The following HDAC11 variants were observed in gnomAD, a reference collection of about 807,000 sequenced individuals.
HDAC11 encodes the protein histone deacetylase 11.
Under a neutral mutation model 41.1 loss-of-function variants are expected in HDAC11, and 23 were observed. The ratio of observed to expected loss-of-function variants is 0.56; its 90% CI spans 0.40 to 0.79. The LOEUF is 0.79. Ranked by LOEUF, HDAC11 falls within the 30% of genes least tolerant of loss-of-function variation. The pLI is 0.00. For missense variants in HDAC11, 402 were observed against 477.3 expected, an observed-to-expected ratio of 0.84 and a Z score of 1.47; for synonymous variants, 187 against 186.6, an observed-to-expected ratio of 1.00 and a Z score of -0.02.
chr3:13,496,821 C>A lies in HDAC11; in HGVS notation c.338C>A (p.Pro113His). The A allele has an allele frequency of 1.2e-6, 2 of 1,600,532 alleles. No individual in the cohort carries two copies. The highest frequency in any genetic ancestry group is 1.7e-6 in the Non-Finnish European group (2 of 1,173,596). ...NFLVQRKVLR[P>H]LRTQTGGTIM... ...CTTGTGCAGAGGAAGGTGCTGAGGC[C>A]CCTTCGGACCCAGACAGGAGGAACC... Residue 113 changes from proline to histidine, a missense_variant, in exon 4 of 10, where the codon CCC becomes CAC. By Grantham distance (77) the Pro-to-His change is moderately conservative (BLOSUM62 -2). Transcript: ENST00000295757.
At chr3:13,503,997 A>T (rs746411918) in intron 8 of HDAC11, 97 bp from the exon 9 acceptor site, 2 of 1,164,118 alleles carry the variant, frequency 1.7e-6, no homozygotes, top group Non-Finnish European at 1.2e-6. Flanking sequence ...GCTGAATCTG[A>T]CAGACCAGTT....
Position 13,504,903 on chromosome 3 carries a change from C to T in HDAC11, c.*220C>T, listed in dbSNP as rs1702549707. ...GGGGGCAGAAGGCAGAGCCTGTGTC[C>T]CAGGGGGACCCACACGAAGTCACCA... On this transcript the variant is annotated 3_prime_UTR_variant, in exon 10 of 10. Coordinates refer to ENST00000295757, the MANE Select transcript of HDAC11 (RefSeq NM_024827.4). 1 of 595,140 alleles carries T rather than the reference C, an allele frequency of 1.7e-6. No homozygotes were observed. Among genetic ancestry groups the T allele is most frequent in the Non-Finnish European group, 3.0e-6 (1 of 334,960 alleles). 36.9% of individuals were successfully genotyped at this position (595,140 alleles called of 1,614,324 possible). A position where few individuals can be genotyped will look rare whatever the true frequency, so the allele number is the denominator to read the frequency against.
chr3:13,495,250 C>T (rs1490832238), intron 3 of HDAC11, among the ~76,000 whole-genome samples: 1 of 152,134 alleles, frequency 6.6e-6, no homozygotes, highest in Non-Finnish European at 1.5e-5. Flanking sequence ...GGGCCTTGCC[C>T]TTCAGCATGG....
chr3:13,487,733 G>A (rs1361826535), intron 3 of HDAC11, among the ~76,000 whole-genome samples: 1 of 152,168 alleles, frequency 6.6e-6, no homozygotes, highest in Non-Finnish European at 1.5e-5. Flanking sequence ...GTGCTCAGAG[G>A]GCACCACTCT....
At chr3:13,488,586 T>A (rs1159577811) in intron 3 of HDAC11, among the ~76,000 whole-genome samples, 1 of 152,256 alleles carries the variant, frequency 6.6e-6, no homozygotes. Flanking sequence ...TGTGTTGTGT[T>A]GTAGCATGTA....
intron 3 of HDAC11, among the ~76,000 whole-genome samples, chr3:13,486,148 T>G (rs1253505086): frequency 6.6e-6 from 1 of 150,564 alleles, no homozygotes; most frequent in Admixed American, 6.7e-5. Context: ...ATGCCTGTAA[T>G]CCCAGCTACC....
At chr3:13,495,471 C>T (rs12107323) in intron 3 of HDAC11, among the ~76,000 whole-genome samples, 19,833 of 152,152 alleles carry the variant, frequency 0.13, 1,439 homozygotes, top group African/African-American at 0.19. Context: ...GACACCTGGG[C>T]CCTCTACCCC....
chr3:13,495,480 C>T (rs950424763), intron 3 of HDAC11, among the ~76,000 whole-genome samples: 5 of 152,176 alleles, frequency 3.3e-5, no homozygotes, highest in Admixed American at 6.5e-5. Context: ...GCCCTCTACC[C>T]CTTGTCCCTG....
At chr3:13,493,804 C>T (rs918688074) in intron 3 of HDAC11, among the ~76,000 whole-genome samples, 68 of 152,344 alleles carry the variant, frequency 4.5e-4, no homozygotes, top group African/African-American at 1.5e-3. Flanking sequence ...GGCCAAGTCC[C>T]GTGCATGCTC....
At chr3:13,493,494 G>A (rs918393955) in intron 3 of HDAC11, among the ~76,000 whole-genome samples, 1 of 152,230 alleles carries the variant, frequency 6.6e-6, no homozygotes, top group Non-Finnish European at 1.5e-5. Context: ...GCCGCATGTG[G>A]CTCTTGAAAT....
At position 13,480,879 on chromosome 3, in the gene HDAC11, C is replaced by CA; in HGVS notation, c.3-366dup. ...ACATTTTGCAGCCGAAGCCTTGTGCCACACAGCTGTGGGGGCATTTATTAC... is the reference window on the plus strand; with the variant it reads ...ACATTTTGCAGCCGAAGCCTTGTGCCAACACAGCTGTGGGGGCATTTATTAC... On this transcript the variant is annotated intron_variant, in intron 1 of 9. Transcript: ENST00000295757. The surrounding 1 kb of genome is among the most constrained non-coding windows in gnomAD (Gnocchi z 4.6). 2 of 393,044 alleles carry CA rather than the reference C, an allele frequency of 5.1e-6. No individual in the cohort carries two copies. Among genetic ancestry groups the CA allele is most frequent in the Non-Finnish European group, 1.0e-5 (2 of 191,372 alleles). The allele number at this position is 393,044 out of a possible 1,614,324, so 24.3% of individuals were successfully genotyped here.
chr3:13,504,026 C>G (rs1267167776), intron 8 of HDAC11, 68 bp from the exon 9 acceptor site: 1 of 1,456,848 alleles, frequency 6.9e-7, no homozygotes, highest in African/African-American at 1.4e-5. Flanking sequence ...TGCCTGGTGT[C>G]CACAGTCTTG....
At chr3:13,492,540 G>A (rs150249834) in intron 3 of HDAC11, among the ~76,000 whole-genome samples, 331 of 152,178 alleles carry the variant, frequency 2.2e-3, no homozygotes, top group African/African-American at 7.6e-3. Context: ...GCCCCAGGTG[G>A]GAGTATTTTA....
chr3:13,502,813 TG>T lies in HDAC11; in HGVS notation c.553-68del. On this transcript the variant is annotated intron_variant, in intron 7 of 9. Coordinates refer to ENST00000295757, the MANE Select transcript of HDAC11 (RefSeq NM_024827.4). This position sits in a 1 kb window ranked among gnomAD's most constrained non-coding sequence, Gnocchi z 4.1. ...GGCAAATGGGGAGTTTCCTGAGGGG[TG>T]GGTGGGTGGCAGAGCCCCAGCCTTG... 1 of 1,172,238 alleles carries T rather than the reference TG, an allele frequency of 8.5e-7. No individual in the cohort carries two copies. The highest frequency in any genetic ancestry group is 1.3e-6 in the Non-Finnish European group (1 of 793,264). The allele number at this position is 1,172,238 out of a possible 1,614,324, so 72.6% of individuals were successfully genotyped here.
At chr3:13,484,556 C>T (rs766260290) in intron 3 of HDAC11, among the ~76,000 whole-genome samples, 14 of 151,950 alleles carry the variant, frequency 9.2e-5, no homozygotes, top group African/African-American at 1.7e-4. Context: ...GACTGAGTCT[C>T]GCTCTTGTTG....
intron 3 of HDAC11, among the ~76,000 whole-genome samples, chr3:13,486,571 G>GTTTTTTTTTTTTTTTTT (rs767002835): frequency 7.2e-5 from 6 of 83,058 alleles, no homozygotes; most frequent in African/African-American, 2.9e-4. Context: ...ATGTAGAGGT[G>GTTTTTTTTTTTTTTTTT]TTTTTTTTTT....
At chr3:13,481,566 A>G (rs1294742341) in intron 2 of HDAC11, among the ~76,000 whole-genome samples, 172 bp downstream of exon 2, 4 of 152,016 alleles carry the variant, frequency 2.6e-5, no homozygotes, top group African/African-American at 9.7e-5. Context: ...ACTCCTAATC[A>G]CGATATGATG....
At chr3:13,482,850 G>A (rs531251271) in intron 2 of HDAC11, among the ~76,000 whole-genome samples, 1 of 152,278 alleles carries the variant, frequency 6.6e-6, no homozygotes, top group African/African-American at 2.4e-5. Flanking sequence ...CCAGGCTAGA[G>A]TGCAGTGGCG....
intron 3 of HDAC11, among the ~76,000 whole-genome samples, chr3:13,492,838 C>G (rs1701928502): frequency 6.6e-6 from 1 of 152,224 alleles, no homozygotes; most frequent in African/African-American, 2.4e-5. Context: ...GCCACCAAGC[C>G]TGGCTGGGTG....
Sources: gnomAD v4.1 joint callset for allele counts (sites outside exome capture counted in the v4.1 genomes callset) on GRCh38, gnomAD v4.1.1 for gene constraint, Gnocchi (gnomAD v3.1) non-coding constraint, MANE v1.5 for transcripts, NCBI Gene and HGNC (gene_info 2026-07-23, HGNC 2026-07-21) for gene names.